RBFOX1: variants seen among roughly 807,000 people sequenced by gnomAD.
RBFOX1 encodes the protein RNA binding fox-1 homolog 1, also known as RNA binding protein fox-1 homolog 1.
RBFOX1 carries 8 observed loss-of-function variants against 57.7 expected under a neutral mutation model. That is an observed-to-expected ratio of 0.14 (90% CI 0.08 to 0.25). The LOEUF (loss-of-function observed/expected upper bound fraction) is 0.25. Among genes scored for constraint, RBFOX1 ranks in the 10% least tolerant of loss-of-function variants. The pLI is 1.00. For missense variants in RBFOX1, 611 were observed against 548.5 expected, an observed-to-expected ratio of 1.11 and a Z score of -1.14; for synonymous variants, 326 against 222.4, an observed-to-expected ratio of 1.47 and a Z score of -4.15.
intron 4 of RBFOX1, among the ~76,000 whole-genome samples, chr16:7,090,409 T>A (rs2060633329): frequency 6.6e-6 from 1 of 152,184 alleles, no homozygotes. Context: ...TTCTCTAGAC[T>A]GACTTTGTCA....
At chr16:7,615,221 T>C (rs984855464) in intron 10 of RBFOX1, among the ~76,000 whole-genome samples, 133 of 152,260 alleles carry the variant, frequency 8.7e-4, no homozygotes, top group African/African-American at 3.1e-3. Flanking sequence ...TAGTCCCAGC[T>C]ACTGGGGAGG....
At chr16:7,030,039 G>T (rs2153690353) in intron 3 of RBFOX1, among the ~76,000 whole-genome samples, 1 of 152,062 alleles carries the variant, frequency 6.6e-6, no homozygotes, top group East Asian at 2.0e-4. Flanking sequence ...GGAGGATGGT[G>T]GGATAGATAG....
chr16:6,861,631 A>C (rs17141571), intron 3 of RBFOX1, among the ~76,000 whole-genome samples: 2,612 of 151,970 alleles, frequency 0.017, 30 homozygotes, highest in African/African-American at 0.022. Context: ...TTGGGTCTTT[A>C]TGTTGCAATA....
chr16:6,179,180 G>A (rs528722451), intron 1 of RBFOX1, among the ~76,000 whole-genome samples: 3 of 152,306 alleles, frequency 2.0e-5, no homozygotes, highest in Admixed American at 6.5e-5. Flanking sequence ...CTGCATGCTT[G>A]AGATGAGCAG....
chr16:6,192,958 C>G (rs949174393), intron 1 of RBFOX1, among the ~76,000 whole-genome samples: 1 of 152,124 alleles, frequency 6.6e-6, no homozygotes, highest in South Asian at 2.1e-4. Context: ...TGTCCCAACT[C>G]AGTGTGTTGG....
chr16:5,293,344 C>T (rs907147771), intron 1 of RBFOX1, among the ~76,000 whole-genome samples: 4 of 152,084 alleles, frequency 2.6e-5, no homozygotes, highest in Non-Finnish European at 5.9e-5. Context: ...TTGCTGTTAT[C>T]ACACCTCATC....
chr16:5,966,302 A>C (rs1341374460), intron 4 of RBFOX1, among the ~76,000 whole-genome samples: 1 of 152,144 alleles, frequency 6.6e-6, no homozygotes, highest in Non-Finnish European at 1.5e-5. Flanking sequence ...TCATTGGCTC[A>C]TGGTTCTGCA....
At chr16:7,295,641 C>G (rs189732194) in intron 4 of RBFOX1, among the ~76,000 whole-genome samples, 42 of 152,174 alleles carry the variant, frequency 2.8e-4, no homozygotes, top group African/African-American at 9.2e-4. Flanking sequence ...AGCAGCAAGA[C>G]TCCAAAAGGT....
chr16:6,877,363 T>C (rs1421200516), intron 3 of RBFOX1, among the ~76,000 whole-genome samples: 4 of 152,202 alleles, frequency 2.6e-5, no homozygotes, highest in African/African-American at 7.2e-5. Context: ...CACAAAAATG[T>C]AATTCTCTAA....
At chr16:5,545,178 C>G (rs1255619839) in intron 2 of RBFOX1, among the ~76,000 whole-genome samples, 2 of 151,930 alleles carry the variant, frequency 1.3e-5, no homozygotes, top group African/African-American at 2.4e-5. Flanking sequence ...GGGTTTCACT[C>G]TGTTGGCCAG....
intron 3 of RBFOX1, among the ~76,000 whole-genome samples, chr16:6,975,508 C>G (rs1483277007): frequency 1.3e-5 from 2 of 152,120 alleles, no homozygotes; most frequent in East Asian, 1.9e-4. Flanking sequence ...CTCAAGTGAT[C>G]TGCCTACCTT....
Position 5,733,343 on chromosome 16 carries a change from C to A in RBFOX1, c.319-133960C>A, listed in dbSNP as rs139644161. Among the ~76,000 whole-genome samples the A allele has an allele frequency of 3.4e-3, 516 of 152,242 alleles. 4 individuals are homozygous for A. The highest frequency in any genetic ancestry group is 0.011 in the African/African-American group (441 of 41,538). ...GGTGGACTCATCCCTCATCTGGCAG[C>A]CATGGGGGTCCAGGAAGGCCACTGG... On this transcript the variant is annotated intron_variant, in intron 3 of 19. Coordinates refer to the RBFOX1 transcript ENST00000641259.
At chr16:6,611,718 C>G (rs1021191475) in intron 2 of RBFOX1, among the ~76,000 whole-genome samples, 2 of 152,120 alleles carry the variant, frequency 1.3e-5, no homozygotes, top group African/African-American at 4.8e-5. Context: ...ATATTTTCAC[C>G]CAGTAGAGGG....
chr16:7,286,853 T>A (rs1030893318), intron 4 of RBFOX1, among the ~76,000 whole-genome samples: 5 of 151,934 alleles, frequency 3.3e-5, no homozygotes, highest in African/African-American at 4.8e-5. Flanking sequence ...GGTCTCAAAC[T>A]CCTGACCTCA....
In RBFOX1 at chr16:5,283,995, G is replaced by C. The variant is rs560458430; in HGVS notation, c.219+43890G>C. Among the ~76,000 whole-genome samples, 9 of 152,220 alleles carry C rather than the reference G, an allele frequency of 5.9e-5. No homozygotes were observed. In the East Asian group the frequency reaches 1.4e-3, roughly 23 times the overall value. ...TCTTGAATTCCCACATGTTATTGGAGGGACCTAGTGGGAAGTAATTGAGTC... is the reference window on the plus strand; with the variant it reads ...TCTTGAATTCCCACATGTTATTGGACGGACCTAGTGGGAAGTAATTGAGTC... On this transcript the variant is annotated intron_variant, in intron 1 of 2. Transcript: ENST00000585867.
chr16:5,994,670 C>G (rs2060461978), intron 4 of RBFOX1, among the ~76,000 whole-genome samples: 1 of 152,180 alleles, frequency 6.6e-6, no homozygotes, highest in African/African-American at 2.4e-5. Flanking sequence ...GATAATATGG[C>G]AATGAGTGTG....
chr16:6,700,989 G>A (rs1467348545), intron 3 of RBFOX1, among the ~76,000 whole-genome samples: 1 of 151,994 alleles, frequency 6.6e-6, no homozygotes, highest in Non-Finnish European at 1.5e-5. Context: ...TGCTTATGAG[G>A]GATCCATACC....
At chr16:6,467,988 C>G (rs1336373696) in intron 2 of RBFOX1, among the ~76,000 whole-genome samples, 1 of 152,124 alleles carries the variant, frequency 6.6e-6, no homozygotes, top group Non-Finnish European at 1.5e-5. Context: ...CATCTTAGCA[C>G]CAGAGCCTCT....
intron 1 of RBFOX1, among the ~76,000 whole-genome samples, chr16:6,127,356 C>A (rs1458981015): frequency 1.3e-5 from 2 of 151,602 alleles, no homozygotes; most frequent in Non-Finnish European, 2.9e-5. Context: ...TGCTCTAGTT[C>A]CCATTATTTT....
Sources: allele counts gnomAD v4.1 joint callset (sites outside exome capture counted in the v4.1 genomes callset), GRCh38; gene constraint gnomAD v4.1.1; transcripts MANE v1.5; gene names NCBI Gene and HGNC (gene_info 2026-07-23, HGNC 2026-07-21).